Variants in XYLT1 observed in about 807,000 individuals in gnomAD.
XYLT1 encodes the protein beta-D-xylosyltransferase 1.
A neutral mutation model predicts 91.3 loss-of-function variants in XYLT1; 36 were observed. That is an observed-to-expected ratio of 0.39 (90% CI 0.30 to 0.52). The LOEUF is 0.52. Ranked by LOEUF, XYLT1 falls within the 20% of genes least tolerant of loss-of-function variation. The probability of loss-of-function intolerance (pLI) is 0.68; values close to 1 mark genes in which losing one functional copy is unlikely to be tolerated. For synonymous variants in XYLT1, 588 were observed against 532.0 expected (o/e 1.11, Z -1.45); for missense variants, 1,242 against 1,284.5 (o/e 0.97, Z 0.51).
chr16:17,149,558 T>C (rs2031231742), intron 6 of XYLT1, among the ~76,000 whole-genome samples: 1 of 152,180 alleles, frequency 6.6e-6, no homozygotes, highest in South Asian at 2.1e-4. Flanking sequence ...AATAAAGTCA[T>C]GGAATAAATC....
At chr16:17,249,124 T>C (rs1054036765) in intron 3 of XYLT1, among the ~76,000 whole-genome samples, 1 of 152,144 alleles carries the variant, frequency 6.6e-6, no homozygotes, top group African/African-American at 2.4e-5. Context: ...TCCTCCCAAA[T>C]GAATCCATCC....
intron 11 of XYLT1, among the ~76,000 whole-genome samples, chr16:17,109,708 A>G (rs1159207180): frequency 6.6e-6 from 1 of 152,194 alleles, no homozygotes; most frequent in Non-Finnish European, 1.5e-5. Flanking sequence ...TGAGTATTTG[A>G]GACAGACTGT....
In XYLT1 at chr16:17,106,398, T is replaced by C. The variant is rs919267725; in HGVS notation, c.*2297A>G. 6.6e-6 allele frequency: 1 copy of C among 152,146 alleles called. No individual in the cohort carries two copies. Among genetic ancestry groups the C allele is most frequent in the Non-Finnish European group, 1.5e-5 (1 of 68,052 alleles). 9.4% of individuals were successfully genotyped at this position (152,146 alleles called of 1,614,324 possible). A position where few individuals can be genotyped will look rare whatever the true frequency, so the allele number is the denominator to read the frequency against. On this transcript the variant is annotated 3_prime_UTR_variant, in exon 12 of 12. Transcript: ENST00000261381. Reference sequence around the variant, plus strand: ...TGTGGCACCCAGCGCGTGGCCACCATAGAGTCTGTAAAAGAGATCATAGGG... The same window carrying C: ...TGTGGCACCCAGCGCGTGGCCACCACAGAGTCTGTAAAAGAGATCATAGGG...
chr16:17,262,083 A>G (rs1015583858), intron 2 of XYLT1, among the ~76,000 whole-genome samples: 1 of 152,188 alleles, frequency 6.6e-6, no homozygotes, highest in Admixed American at 6.5e-5. Context: ...AGCTCTTACC[A>G]TGAGCCAGGC....
chr16:17,307,447 C>T (rs1257189867), intron 2 of XYLT1, among the ~76,000 whole-genome samples: 1 of 152,164 alleles, frequency 6.6e-6, no homozygotes, highest in South Asian at 2.1e-4. Context: ...TTTTTCATTA[C>T]AGGAGTCATC....
At chr16:17,389,971 G>T (rs757201729) in intron 1 of XYLT1, among the ~76,000 whole-genome samples, 6 of 152,152 alleles carry the variant, frequency 3.9e-5, no homozygotes, top group Non-Finnish European at 8.8e-5. Flanking sequence ...CAGGATTCAG[G>T]TCGTGCCCTG....
intron 4 of XYLT1, among the ~76,000 whole-genome samples, chr16:17,198,644 C>T (rs563020762): frequency 2.9e-4 from 44 of 152,218 alleles, no homozygotes; most frequent in Middle Eastern, 6.8e-3. Flanking sequence ...ATTCACTGGC[C>T]GCACTTCTGA....
At chr16:17,362,339 G>A (rs2035395931) in intron 1 of XYLT1, among the ~76,000 whole-genome samples, 1 of 152,104 alleles carries the variant, frequency 6.6e-6, no homozygotes, top group African/African-American at 2.4e-5. Flanking sequence ...CAGTCACTTT[G>A]CCACAGCAAG....
chr16:17,269,408 T>A (rs910959787), intron 2 of XYLT1, among the ~76,000 whole-genome samples: 2 of 151,932 alleles, frequency 1.3e-5, no homozygotes, highest in African/African-American at 4.8e-5. Context: ...GGTCTCAAAC[T>A]CCTAGGCTCA....
intron 2 of XYLT1, among the ~76,000 whole-genome samples, chr16:17,356,405 C>T (rs1034273675): frequency 1.3e-5 from 2 of 152,144 alleles, no homozygotes; most frequent in Admixed American, 6.5e-5. Context: ...TTCTATACTT[C>T]CCTGCCGGCC....
chr16:17,341,816 G>A lies in XYLT1; in HGVS notation c.402+16196C>T, dbSNP rs193133355. Among the ~76,000 whole-genome samples, 269 of 152,256 alleles carry A rather than the reference G, an allele frequency of 1.8e-3. 1 individual carries two copies. The highest frequency in any genetic ancestry group is 6.3e-3 in the African/African-American group (261 of 41,550). On this transcript the variant is annotated intron_variant, in intron 2 of 11. Coordinates refer to ENST00000261381, the MANE Select transcript of XYLT1 (RefSeq NM_022166.4). Reference sequence around the variant, plus strand: ...TCTATCTCCTTTCAGAACACATCCAGCATCAAACTATTTCATTTTTAATTT... The same window carrying A: ...TCTATCTCCTTTCAGAACACATCCAACATCAAACTATTTCATTTTTAATTT...
intron 3 of XYLT1, among the ~76,000 whole-genome samples, chr16:17,207,889 G>A (rs1455808075): frequency 2.0e-5 from 3 of 152,158 alleles, no homozygotes; most frequent in African/African-American, 7.2e-5. Flanking sequence ...GGCCAAGCCA[G>A]CACCTGTCAG....
intron 2 of XYLT1, among the ~76,000 whole-genome samples, chr16:17,266,682 C>T (rs1036654681): frequency 6.6e-6 from 1 of 152,206 alleles, no homozygotes; most frequent in African/African-American, 2.4e-5. Flanking sequence ...ACCCGCTCAT[C>T]GTGATCAGTT....
intron 3 of XYLT1, among the ~76,000 whole-genome samples, chr16:17,225,553 GA>G (rs1248357090): frequency 6.6e-6 from 1 of 151,662 alleles, no homozygotes; most frequent in African/African-American, 2.4e-5. Flanking sequence ...TGCCACCTGC[GA>G]GCTGCTTGAA....
intron 2 of XYLT1, among the ~76,000 whole-genome samples, chr16:17,335,148 G>A (rs567236807): frequency 1.3e-5 from 2 of 150,712 alleles, no homozygotes; most frequent in Non-Finnish European, 3.0e-5. Context: ...TCAACTGAAC[G>A]CGGGGACGTT....
At position 17,158,888 on chromosome 16, in the gene XYLT1, C is replaced by T. The variant is rs201354548; in HGVS notation, c.1311G>A (p.Ala437=). 69 of 1,614,034 alleles carry T rather than the reference C, an allele frequency of 4.3e-5. No individual in the cohort carries two copies. The highest frequency in any genetic ancestry group is 4.0e-4 in the Admixed American group (24 of 60,008). Residue 437 remains alanine, a synonymous_variant, in exon 6 of 12, where the codon GCG becomes GCA. Transcript: ENST00000261381. ...TCATATCTCGGTATCGGGAGAGAAA[C>T]GCCACCAACTGGTCATTTGTCCTGT... ...YPIRTNDQLV[A]FLSRYRDMNF... is the part of the protein sequence containing the mutation.
chr16:17,405,223 CCT>C (rs2036017603), intron 1 of XYLT1, among the ~76,000 whole-genome samples: 1 of 152,176 alleles, frequency 6.6e-6, no homozygotes, highest in African/African-American at 2.4e-5. Flanking sequence ...AACATGATGC[CCT>C]GTTTCTCCTG....
At position 17,259,109 on chromosome 16, in the gene XYLT1, G is replaced by T; in HGVS notation, c.792C>A (p.Ala264=). 2 of 1,571,304 alleles carry T rather than the reference G, an allele frequency of 1.3e-6. No individual in the cohort carries two copies. The highest frequency in any genetic ancestry group is 1.7e-6 in the Non-Finnish European group (2 of 1,159,802). Residue 264 remains alanine (A), a synonymous_variant, in exon 3 of 12, where the codon GCC becomes GCA. Transcript: ENST00000261381. ...ACTTAGCACGGGACAGGGCAGAGAT[G>T]GCCTCCTTGCCTGAGATGTCACACT... The part of the protein sequence containing the change: ...PPKCDISGKE[A]ISALSRAKSK...
chr16:17,459,512 AT>A (rs1216200326), intron 1 of XYLT1, among the ~76,000 whole-genome samples: 1 of 152,188 alleles, frequency 6.6e-6, no homozygotes, highest in Non-Finnish European at 1.5e-5. Context: ...TCTATACCAT[AT>A]TTTGGATTCC....
Sources: gnomAD v4.1 joint callset for allele counts (sites outside exome capture counted in the v4.1 genomes callset) on GRCh38, gnomAD v4.1.1 for gene constraint, MANE v1.5 for transcripts, NCBI Gene and HGNC (gene_info 2026-07-23, HGNC 2026-07-21) for gene names.